The following RTN1 variants were observed in gnomAD, a reference collection of about 807,000 sequenced individuals.
The protein encoded by RTN1 is reticulon 1.
A neutral mutation model predicts 65.5 loss-of-function variants in RTN1; 25 were observed. The ratio of observed to expected loss-of-function variants is 0.38; its 90% CI spans 0.28 to 0.53. The LOEUF (loss-of-function observed/expected upper bound fraction) is 0.53, where lower values mean the gene tolerates loss of function less well. Ranked by LOEUF, RTN1 falls within the 20% of genes least tolerant of loss-of-function variation. RTN1 has a pLI of 0.79. For synonymous variants in RTN1, 471 were observed against 447.6 expected (o/e 1.05, Z -0.66); for missense variants, 983 against 1,025.4 (o/e 0.96, Z 0.57).
In RTN1 at chr14:59,770,269, T is replaced by A. The variant is rs558412945; in HGVS notation, c.242-23788A>T. On this transcript the variant is annotated intron_variant, in intron 1 of 8. Transcript: ENST00000267484. The stretch of plus-strand genomic sequence containing the variant: ...GCTGCACGCCTGTAATCCCAGCTAC[T>A]TGGGAGGCTGAAGCAGGAGAATCGC... 8.6e-5 allele frequency among the ~76,000 whole-genome samples: 13 copies of A among 150,490 alleles called. No homozygotes were observed. In the East Asian group the frequency reaches 2.6e-3, roughly 30 times the overall value.
At chr14:59,664,295 C>T (rs918628535) in intron 3 of RTN1, among the ~76,000 whole-genome samples, 5 of 152,006 alleles carry the variant, frequency 3.3e-5, no homozygotes, top group Admixed American at 2.0e-4. Context: ...GGGAGGGGAA[C>T]ATCACATATC....
chr14:59,639,163 CACA>C (rs1332655043), intron 3 of RTN1, among the ~76,000 whole-genome samples: 4 of 152,180 alleles, frequency 2.6e-5, no homozygotes, highest in Non-Finnish European at 4.4e-5. Context: ...TCAGAACACA[CACA>C]ACATTTATTG....
In RTN1 at chr14:59,607,489, A is replaced by G; in HGVS notation, c.1769T>C (p.Ile590Thr). 6.2e-7 allele frequency: 1 copy of G among 1,604,064 alleles called. No individual in the cohort carries two copies. The highest frequency in any genetic ancestry group is 1.3e-5 in the African/African-American group (1 of 74,804). The part of the protein sequence containing the change: ...PLLFLNKQKA[I>T]DLLYWRDIKQ... ...GATGTCCCGCCAATACAACAGGTCAATAGCTGCAGGAGACACCAAACACAC... is the reference window on the plus strand; with the variant it reads ...GATGTCCCGCCAATACAACAGGTCAGTAGCTGCAGGAGACACCAAACACAC... Residue 590 changes from isoleucine to threonine, a missense_variant, in exon 4 of 9, where the codon ATT becomes ACT. Coordinates refer to ENST00000267484, the MANE Select transcript of RTN1 (RefSeq NM_021136.3).
intron 3 of RTN1, among the ~76,000 whole-genome samples, chr14:59,622,431 A>G (rs1882279890): frequency 6.6e-6 from 1 of 152,220 alleles, no homozygotes; most frequent in Admixed American, 6.5e-5. Flanking sequence ...GGACTGTTGA[A>G]AAATGATATG....
chr14:59,728,789 A>G lies in RTN1; in HGVS notation c.1016-1121T>C, dbSNP rs148711715. ...TCAGAATTGATTTTATTCTTTATCC[A>G]TATTCATTCATCTGTTATTTATTGA... is the stretch of plus-strand genomic sequence containing the variant. On this transcript the variant is annotated intron_variant, in intron 2 of 8. Transcript: ENST00000267484. 5.6e-3 allele frequency among the ~76,000 whole-genome samples: 853 copies of G among 152,306 alleles called. 8 individuals carry two copies. The highest frequency in any genetic ancestry group is 0.019 in the African/African-American group (806 of 41,556).
chr14:59,606,930 T>C (rs527663574), intron 4 of RTN1, among the ~76,000 whole-genome samples: 6 of 152,340 alleles, frequency 3.9e-5, no homozygotes, highest in Admixed American at 2.0e-4. Flanking sequence ...GCCTTGAGCA[T>C]GTCATGTCAC....
At chr14:59,828,029 T>G (rs139084858) in intron 1 of RTN1, among the ~76,000 whole-genome samples, 33 of 152,316 alleles carry the variant, frequency 2.2e-4, no homozygotes, top group Admixed American at 7.8e-4. Context: ...CCTATCTAGC[T>G]CCCAGGAAAT....
chr14:59,613,237 T>C (rs993814199), intron 3 of RTN1, among the ~76,000 whole-genome samples: 5 of 152,208 alleles, frequency 3.3e-5, no homozygotes. Flanking sequence ...GGATTTCTTC[T>C]TTAAAGAGCA....
chr14:59,739,937 C>G (rs1885083544), intron 2 of RTN1, among the ~76,000 whole-genome samples: 1 of 152,176 alleles, frequency 6.6e-6, no homozygotes, highest in African/African-American at 2.4e-5. Flanking sequence ...CCTGCTTGCA[C>G]AATATTCCTG....
intron 2 of RTN1, among the ~76,000 whole-genome samples, chr14:59,733,946 A>C (rs1478072558): frequency 2.0e-5 from 3 of 152,148 alleles, no homozygotes; most frequent in Non-Finnish European, 4.4e-5. Flanking sequence ...AGACCTCCCA[A>C]CCAGGGTCTC....
intron 3 of RTN1, among the ~76,000 whole-genome samples, chr14:59,623,402 C>T (rs914883643): frequency 6.6e-6 from 1 of 152,212 alleles, no homozygotes; most frequent in Non-Finnish European, 1.5e-5. Flanking sequence ...CTGTGAATTT[C>T]AGACAGTTGG....
At chr14:59,607,613 C>A in intron 3 of RTN1, 121 bp from the exon 4 acceptor site, 1 of 785,136 alleles carries the variant, frequency 1.3e-6, no homozygotes. Flanking sequence ...GATTCCTAAA[C>A]ACAAGTGAGC....
chr14:59,662,194 G>T (rs1186207490), intron 3 of RTN1, among the ~76,000 whole-genome samples: 2 of 150,960 alleles, frequency 1.3e-5, no homozygotes, highest in East Asian at 1.9e-4. Flanking sequence ...AAGTTCTAGG[G>T]TACATGTGCA....
intron 3 of RTN1, among the ~76,000 whole-genome samples, chr14:59,639,374 TACTC>T (rs1882729698): frequency 6.6e-6 from 1 of 152,198 alleles, no homozygotes. Flanking sequence ...CTAATAAACT[TACTC>T]AATGCAGGTT....
intron 1 of RTN1, among the ~76,000 whole-genome samples, chr14:59,820,707 C>T (rs1886928520): frequency 6.6e-6 from 1 of 152,062 alleles, no homozygotes; most frequent in Non-Finnish European, 1.5e-5. Context: ...CCATGGAGTC[C>T]CTCACATGAC....
chr14:59,827,963 A>C (rs1415642246), intron 1 of RTN1, among the ~76,000 whole-genome samples: 1 of 152,224 alleles, frequency 6.6e-6, no homozygotes. Context: ...GTACAAGAGG[A>C]CAAGCAGAAT....
chr14:59,646,011 A>G (rs1301124164), intron 3 of RTN1, among the ~76,000 whole-genome samples: 1 of 152,262 alleles, frequency 6.6e-6, no homozygotes, highest in Admixed American at 6.5e-5. Flanking sequence ...TGATAGGAAC[A>G]AAGATCATTG....
chr14:59,815,766 T>C (rs371223027), intron 1 of RTN1, among the ~76,000 whole-genome samples: 1 of 152,158 alleles, frequency 6.6e-6, no homozygotes, highest in East Asian at 1.9e-4. Flanking sequence ...TCGGATCCTA[T>C]GGTCTGCCTT....
intron 3 of RTN1, among the ~76,000 whole-genome samples, chr14:59,665,726 A>G (rs1883355273): frequency 6.6e-6 from 1 of 152,164 alleles, no homozygotes; most frequent in South Asian, 2.1e-4. Flanking sequence ...ACATAAGCTT[A>G]AAATAAAGGG....
Sources: allele counts gnomAD v4.1 joint callset (sites outside exome capture counted in the v4.1 genomes callset), GRCh38; gene constraint gnomAD v4.1.1; transcripts MANE v1.5; gene names NCBI Gene and HGNC (gene_info 2026-07-23, HGNC 2026-07-21).